L3MBTL4: variants seen among roughly 807,000 people sequenced by gnomAD.
L3MBTL4 encodes the protein lethal(3)malignant brain tumor-like protein 4.
A neutral mutation model predicts 84.5 loss-of-function variants in L3MBTL4; 70 were observed. That is an observed-to-expected ratio of 0.83 (90% CI 0.68 to 1.01). L3MBTL4 has a LOEUF of 1.01. Among genes scored for constraint, L3MBTL4 ranks in the 50% least tolerant of loss-of-function variants. The pLI is 0.00. For synonymous variants in L3MBTL4, 274 were observed against 259.8 expected (o/e 1.05, Z -0.52); for missense variants, 715 against 754.8 (o/e 0.95, Z 0.62).
chr18:5,957,971 A>G (rs920985413), intron 18 of L3MBTL4, among the ~76,000 whole-genome samples: 1 of 141,876 alleles, frequency 7.0e-6, no homozygotes, highest in African/African-American at 2.6e-5. Flanking sequence ...AAAAAAAAAA[A>G]AGAAGGGAAG....
At chr18:6,207,356 G>A (rs1049112499) in intron 12 of L3MBTL4, among the ~76,000 whole-genome samples, 1 of 152,144 alleles carries the variant, frequency 6.6e-6, no homozygotes, top group Non-Finnish European at 1.5e-5. Context: ...CCACTTATAA[G>A]CTGTGCAACC....
At chr18:6,260,760 A>C (rs1410393797) in intron 5 of L3MBTL4, 1 of 152,238 alleles carries the variant, frequency 6.6e-6, no homozygotes, top group Non-Finnish European at 1.5e-5. Context: ...GAAGCGTTCC[A>C]TCTCAGCTGG....
intron 5 of L3MBTL4, among the ~76,000 whole-genome samples, chr18:6,258,171 G>GT (rs1250784672): frequency 1.3e-5 from 2 of 152,228 alleles, no homozygotes; most frequent in African/African-American, 4.8e-5. Context: ...ACCACATGCA[G>GT]TAAGGGACTG....
intron 3 of L3MBTL4, among the ~76,000 whole-genome samples, chr18:6,309,633 G>C (rs1190737440): frequency 6.6e-6 from 1 of 152,122 alleles, no homozygotes; most frequent in Admixed American, 6.5e-5. Flanking sequence ...CCCAATGTGG[G>C]GTAGAAATAA....
chr18:5,983,897 G>A (rs980472711), intron 16 of L3MBTL4, among the ~76,000 whole-genome samples: 1 of 152,050 alleles, frequency 6.6e-6, no homozygotes, highest in Non-Finnish European at 1.5e-5. Flanking sequence ...TCTAACCTGG[G>A]AATGGCAAGA....
chr18:6,137,032 A>C (rs2060047857), intron 14 of L3MBTL4, among the ~76,000 whole-genome samples: 1 of 152,270 alleles, frequency 6.6e-6, no homozygotes, highest in East Asian at 1.9e-4. Context: ...CTTTTTAATA[A>C]CATTTCACTC....
rs1389928625 is a variant in L3MBTL4 at position 6,414,415 on chromosome 18, C to T, written c.-91+386G>A. 2.0e-5 allele frequency among the ~76,000 whole-genome samples: 3 copies of T among 152,046 alleles called. No individual in the cohort carries two copies. Among genetic ancestry groups the T allele is most frequent in the Non-Finnish European group, 2.9e-5 (2 of 67,984 alleles). ...GACTGCCTGGGGGCCCTCAGGAGTC[C>T]CGTCCCGTCCCGCTCCCCCGGTCCC... On this transcript the variant is annotated intron_variant, in intron 1 of 18. Transcript: ENST00000317931. This position sits in a 1 kb window ranked among gnomAD's most constrained non-coding sequence, Gnocchi z 5.4.
chr18:6,084,111 A>G (rs1045355686), intron 15 of L3MBTL4, among the ~76,000 whole-genome samples: 2 of 152,246 alleles, frequency 1.3e-5, no homozygotes, highest in African/African-American at 4.8e-5. Context: ...TTAAAAAGTC[A>G]CATAATAAGT....
chr18:6,385,492 A>C (rs1568587123), intron 1 of L3MBTL4, among the ~76,000 whole-genome samples: 1 of 152,208 alleles, frequency 6.6e-6, no homozygotes, highest in African/African-American at 2.4e-5. Context: ...CAGAGGAAAC[A>C]GAGATGACTC....
chr18:5,994,983 T>C (rs1223788213), intron 16 of L3MBTL4, among the ~76,000 whole-genome samples: 2 of 152,396 alleles, frequency 1.3e-5, no homozygotes, highest in East Asian at 3.9e-4. Context: ...TTCATCATTC[T>C]GATTTAGTGA....
chr18:6,013,573 C>A (rs1011999424), intron 16 of L3MBTL4, among the ~76,000 whole-genome samples: 6 of 152,224 alleles, frequency 3.9e-5, no homozygotes, highest in Non-Finnish European at 8.8e-5. Flanking sequence ...CACCCTTGCC[C>A]AGTGAACGCC....
chr18:6,043,754 T>C (rs1015443752), intron 16 of L3MBTL4, among the ~76,000 whole-genome samples: 1 of 152,240 alleles, frequency 6.6e-6, no homozygotes, highest in African/African-American at 2.4e-5. Flanking sequence ...TAGTAGATTA[T>C]CTATAAATGT....
chr18:6,280,178 A>T (rs2049265417), intron 4 of L3MBTL4, among the ~76,000 whole-genome samples: 1 of 152,252 alleles, frequency 6.6e-6, no homozygotes, highest in South Asian at 2.1e-4. Context: ...CACTTGAGGT[A>T]AAAGGAGGGT....
intron 13 of L3MBTL4, among the ~76,000 whole-genome samples, chr18:6,151,635 T>A (rs2042901051): frequency 6.6e-6 from 1 of 152,118 alleles, no homozygotes; most frequent in Non-Finnish European, 1.5e-5. Flanking sequence ...CCTCAGGTGA[T>A]CCACCCGCCT....
intron 14 of L3MBTL4, among the ~76,000 whole-genome samples, chr18:6,129,374 G>C (rs1012631899): frequency 4.7e-5 from 7 of 147,650 alleles, no homozygotes; most frequent in South Asian, 2.1e-4. Context: ...CTCTCTGTGT[G>C]TGTGTGTGTG....
intron 16 of L3MBTL4, among the ~76,000 whole-genome samples, chr18:6,009,499 A>C (rs1326593795): frequency 6.6e-6 from 1 of 152,154 alleles, no homozygotes. Context: ...GGCCAGTTTT[A>C]GTACCACTGC....
intron 10 of L3MBTL4, among the ~76,000 whole-genome samples, chr18:6,216,440 T>C (rs970856654): frequency 6.6e-6 from 1 of 152,146 alleles, no homozygotes; most frequent in Non-Finnish European, 1.5e-5. Context: ...CTATATAGTA[T>C]AGTTTTATTT....
chr18:6,222,949 T>TTATAATATAATATAA (rs11281784), intron 10 of L3MBTL4, among the ~76,000 whole-genome samples: 4,440 of 145,614 alleles, frequency 0.03, 90 homozygotes, highest in East Asian at 0.076. Flanking sequence ...AATTTTTCTA[T>TTATAATATAATATAA]TATAATATAA....
chr18:6,311,880 G>T, intron 2 of L3MBTL4, 118 bp downstream of exon 2: 1 of 348,230 alleles, frequency 2.9e-6, no homozygotes, highest in Non-Finnish European at 5.4e-6. Flanking sequence ...TTTATATCAT[G>T]GGGAAAATAG....
Sources: gnomAD v4.1 joint callset for allele counts (sites outside exome capture counted in the v4.1 genomes callset) on GRCh38, gnomAD v4.1.1 for gene constraint, Gnocchi (gnomAD v3.1) non-coding constraint, MANE v1.5 for transcripts, NCBI Gene and HGNC (gene_info 2026-07-23, HGNC 2026-07-21) for gene names.